PARN: variants seen among roughly 807,000 people sequenced by gnomAD.
PARN encodes the protein poly(A)-specific ribonuclease.
A neutral mutation model predicts 102.8 loss-of-function variants in PARN; 71 were observed. The ratio of observed to expected loss-of-function variants is 0.69; its 90% CI spans 0.57 to 0.84. PARN has a LOEUF of 0.84. Among genes scored for constraint, PARN ranks in the 40% least tolerant of loss-of-function variants. The pLI, the probability that PARN is intolerant of heterozygous loss-of-function variation, is 0.00. For synonymous variants in PARN, 261 were observed against 252.9 expected (o/e 1.03, Z -0.30); for missense variants, 782 against 760.9 (o/e 1.03, Z -0.33).
At chr16:14,494,159 T>C (rs78232634) in intron 21 of PARN, among the ~76,000 whole-genome samples, 4,615 of 152,270 alleles carry the variant, frequency 0.03, 137 homozygotes, top group African/African-American at 0.075. Context: ...GTGAGAATTT[T>C]GGTATACTCA....
intron 18 of PARN, among the ~76,000 whole-genome samples, chr16:14,571,543 C>G (rs1174453264): frequency 6.6e-6 from 1 of 152,090 alleles, no homozygotes; most frequent in Non-Finnish European, 1.5e-5. Flanking sequence ...CTCAATAATT[C>G]AAAACAAAGT....
intron 1 of PARN, 109 bp downstream of exon 1, chr16:14,629,998 G>A (rs950551311): frequency 3.0e-6 from 3 of 1,006,850 alleles, no homozygotes; most frequent in Non-Finnish European, 4.5e-6. Context: ...AAGCCCTGAG[G>A]GGCTGCCTCA....
intron 18 of PARN, among the ~76,000 whole-genome samples, chr16:14,561,398 C>A (rs975922966): frequency 1.3e-5 from 2 of 152,126 alleles, no homozygotes; most frequent in Non-Finnish European, 2.9e-5. Flanking sequence ...CTGAGAATCA[C>A]CGAGTTAACA....
intron 10 of PARN, among the ~76,000 whole-genome samples, chr16:14,605,710 T>C (rs1165750720): frequency 6.6e-6 from 1 of 152,152 alleles, no homozygotes; most frequent in African/African-American, 2.4e-5. Flanking sequence ...ATTATAAAAT[T>C]GAAAAACTGC....
intron 22 of PARN, among the ~76,000 whole-genome samples, chr16:14,475,705 T>C (rs1004110048): frequency 2.0e-5 from 3 of 152,170 alleles, no homozygotes; most frequent in East Asian, 1.9e-4. Context: ...CTAAAGCAAA[T>C]AGAAGTGAGT....
intron 12 of PARN, among the ~76,000 whole-genome samples, chr16:14,597,952 T>C (rs1970627077): frequency 1.3e-5 from 2 of 152,060 alleles, no homozygotes; most frequent in Admixed American, 1.3e-4. Flanking sequence ...GAGGCCAGCC[T>C]GGCCAACATG....
At chr16:14,489,283 T>G (rs1368330710) in intron 21 of PARN, among the ~76,000 whole-genome samples, 1 of 151,972 alleles carries the variant, frequency 6.6e-6, no homozygotes, top group East Asian at 1.9e-4. Context: ...TTCACAGATG[T>G]GCATTACATT....
chr16:14,602,500 T>C (rs780745970), intron 11 of PARN, among the ~76,000 whole-genome samples: 9 of 152,070 alleles, frequency 5.9e-5, no homozygotes, highest in Non-Finnish European at 1.0e-4. Flanking sequence ...CGAAACCTCA[T>C]CAGGTCAAAA....
intron 22 of PARN, among the ~76,000 whole-genome samples, chr16:14,453,419 G>A (rs1162978697): frequency 6.6e-6 from 1 of 152,144 alleles, no homozygotes; most frequent in Non-Finnish European, 1.5e-5. Context: ...AAATCTAGCT[G>A]CTACATGAAC....
chr16:14,468,888 T>TAGAC (rs1219484130), intron 22 of PARN, among the ~76,000 whole-genome samples: 2 of 105,628 alleles, frequency 1.9e-5, no homozygotes, highest in African/African-American at 2.7e-5. Context: ...AATAGATAGA[T>TAGAC]AGATAGATAG....
chr16:14,606,402 AAAAAAAG>A, intron 10 of PARN, 75 bp downstream of exon 10: 1 of 753,992 alleles, frequency 1.3e-6, no homozygotes, highest in South Asian at 2.1e-5. Flanking sequence ...TGAGGGAAAA[AAAAAAAG>A]AAAAAAAAAA....
intron 18 of PARN, among the ~76,000 whole-genome samples, chr16:14,557,778 T>C (rs1967790485): frequency 6.6e-6 from 1 of 152,236 alleles, no homozygotes; most frequent in Admixed American, 6.5e-5. Flanking sequence ...TGTACTATTC[T>C]GGTTTTGTAA....
intron 11 of PARN, among the ~76,000 whole-genome samples, chr16:14,601,154 G>A (rs1426919789): frequency 6.6e-6 from 1 of 152,120 alleles, no homozygotes; most frequent in African/African-American, 2.4e-5. Context: ...ACTCAAATAG[G>A]TATATGCATA....
chr16:14,539,130 AC>A (rs534079540), intron 21 of PARN, among the ~76,000 whole-genome samples: 6 of 152,240 alleles, frequency 3.9e-5, no homozygotes, highest in Non-Finnish European at 5.9e-5. Flanking sequence ...TCATCCCAAA[AC>A]CATTCCCTAC....
chr16:14,561,484 T>G (rs1968058743), intron 18 of PARN, among the ~76,000 whole-genome samples: 1 of 152,236 alleles, frequency 6.6e-6, no homozygotes, highest in African/African-American at 2.4e-5. Flanking sequence ...TAATGACTTG[T>G]GCCAACTTCT....
At chr16:14,517,291 T>C (rs1335933530) in intron 21 of PARN, among the ~76,000 whole-genome samples, 1 of 152,178 alleles carries the variant, frequency 6.6e-6, no homozygotes, top group Non-Finnish European at 1.5e-5. Flanking sequence ...GCTTGCAGGG[T>C]AGCTTGTGCT....
chr16:14,561,157 CAAAA>C (rs749716960), intron 18 of PARN, among the ~76,000 whole-genome samples: 2 of 57,176 alleles, frequency 3.5e-5, no homozygotes. Flanking sequence ...AACTCCGTCT[CAAAA>C]AAAAAAAAAA....
chr16:14,436,050 C>T lies in PARN; in HGVS notation c.*667G>A, dbSNP rs1960679672. The T allele has an allele frequency of 6.6e-6, 1 of 152,214 alleles. No individual in the cohort carries two copies. Among genetic ancestry groups the T allele is most frequent in the Non-Finnish European group, 1.5e-5 (1 of 68,150 alleles). 9.4% of individuals were successfully genotyped at this position (152,214 alleles called of 1,614,324 possible). A position where few individuals can be genotyped will look rare whatever the true frequency, so the allele number is the denominator to read the frequency against. ...GCCACGCATAAGAACAGAAGTTAAC[C>T]TTTTTACTCGTACATCCCCCATGAG... is the stretch of plus-strand genomic sequence containing the variant. On this transcript the variant is annotated 3_prime_UTR_variant, in exon 24 of 24. Transcript: ENST00000437198.
intron 21 of PARN, among the ~76,000 whole-genome samples, chr16:14,498,822 G>A (rs1042639142): frequency 1.3e-5 from 2 of 152,224 alleles, no homozygotes; most frequent in African/African-American, 4.8e-5. Context: ...AAAGGGAAAT[G>A]GATAAAGAAT....
Sources: allele counts gnomAD v4.1 joint callset (sites outside exome capture counted in the v4.1 genomes callset), GRCh38; gene constraint gnomAD v4.1.1; transcripts MANE v1.5; gene names NCBI Gene and HGNC (gene_info 2026-07-23, HGNC 2026-07-21).